The following TRAF6 variants were observed in gnomAD, a reference collection of about 807,000 sequenced individuals.
The protein encoded by TRAF6 is TNF receptor associated factor 6, also known as TNF receptor-associated factor 6.
TRAF6 carries 10 observed loss-of-function variants against 48.4 expected under a neutral mutation model. The ratio of observed to expected loss-of-function variants is 0.21; its 90% CI spans 0.13 to 0.35. The LOEUF is 0.35. TRAF6 is among the 10% of genes least tolerant of loss of function. The pLI is 1.00. For missense variants in TRAF6, 397 were observed against 661.0 expected (o/e 0.60, Z 4.38); for synonymous variants, 186 against 219.6 (o/e 0.85, Z 1.35).
rs1859532647 is a variant in TRAF6, at chr11:36,489,544, A to G, written c.*294T>C. 2.8e-6 allele frequency: 1 copy of G among 353,380 alleles called. No individual in the cohort carries two copies. Among genetic ancestry groups the G allele is most frequent in the African/African-American group, 2.1e-5 (1 of 48,444 alleles). 21.9% of individuals were successfully genotyped at this position (353,380 alleles called of 1,614,324 possible). On this transcript the variant is annotated 3_prime_UTR_variant, in exon 7 of 7. Coordinates refer to ENST00000526995, the MANE Select transcript of TRAF6 (RefSeq NM_004620.4). ...TCTGACAATAAAATACACCAGAGCA[A>G]AAGCCCAAGAAAGTACAACAAAGAG... is the stretch of plus-strand genomic sequence containing the variant.
chr11:36,501,215 C>T lies in TRAF6; in HGVS notation c.296+5G>A, dbSNP rs779281458. The T allele has an allele frequency of 1.0e-5, 16 of 1,576,062 alleles. No individual in the cohort carries two copies. Among genetic ancestry groups the T allele is most frequent in the Non-Finnish European group, 1.4e-5 (16 of 1,158,442 alleles). ...AGGACACCATTTTTTCTTATGCTCA[C>T]GTACCTTATTGATTTTATGATGCAG... is the stretch of plus-strand genomic sequence containing the variant. On this transcript the variant is annotated splice_donor_5th_base_variant and intron_variant, in intron 2 of 6. Coordinates refer to ENST00000526995, the MANE Select transcript of TRAF6 (RefSeq NM_004620.4).
chr11:36,508,497 T>C (rs1367319383), intron 1 of TRAF6, among the ~76,000 whole-genome samples: 1 of 151,998 alleles, frequency 6.6e-6, no homozygotes, highest in Non-Finnish European at 1.5e-5. Context: ...CACAAAAAGT[T>C]TGTCCTCCAA....
At chr11:36,506,420 A>ATT (rs369610405) in intron 1 of TRAF6, among the ~76,000 whole-genome samples, 1 of 149,518 alleles carries the variant, frequency 6.7e-6, no homozygotes, top group Non-Finnish European at 1.5e-5. Flanking sequence ...GTCTTGAACC[A>ATT]TTTTTTTTTT....
At chr11:36,509,705 A>C (rs1192908372) in intron 1 of TRAF6, among the ~76,000 whole-genome samples, 1 of 152,060 alleles carries the variant, frequency 6.6e-6, no homozygotes, top group African/African-American at 2.4e-5. Context: ...TGGGGAGCAG[A>C]GGTCAGGGGA....
chr11:36,504,433 G>A (rs546403926), intron 1 of TRAF6, among the ~76,000 whole-genome samples: 1 of 152,254 alleles, frequency 6.6e-6, no homozygotes, highest in African/African-American at 2.4e-5. Flanking sequence ...TCCATAAGAA[G>A]CAACTCCTCA....
intron 1 of TRAF6, among the ~76,000 whole-genome samples, chr11:36,502,681 C>T (rs1163544999): frequency 6.6e-5 from 10 of 152,024 alleles, no homozygotes; most frequent in Non-Finnish European, 1.2e-4. Flanking sequence ...ACTTGATGAC[C>T]GCCTACAATG....
At position 36,492,531 on chromosome 11, in the gene TRAF6, A is replaced by G; in HGVS notation, c.756+20T>C. ...TTTTTTTTACTTATATTCAAGAATT[A>G]AAAGAAAAAAAAACCTTACCTTTTC... On this transcript the variant is annotated intron_variant, in intron 6 of 6. Coordinates refer to ENST00000526995, the MANE Select transcript of TRAF6 (RefSeq NM_004620.4). The G allele has an allele frequency of 6.4e-7, 1 of 1,574,800 alleles. No individual in the cohort carries two copies. Among genetic ancestry groups the G allele is most frequent in the Non-Finnish European group, 8.6e-7 (1 of 1,158,416 alleles).
At chr11:36,499,090 C>T (rs548812125) in intron 2 of TRAF6, among the ~76,000 whole-genome samples, 1 of 152,136 alleles carries the variant, frequency 6.6e-6, no homozygotes, top group Non-Finnish European at 1.5e-5. Context: ...AATTTAAGCA[C>T]TTAGCAGTAC....
At position 36,489,175 on chromosome 11, in the gene TRAF6, C is replaced by T. The variant is rs1048014439; in HGVS notation, c.*663G>A. 15 of 152,680 alleles carry T rather than the reference C, an allele frequency of 9.8e-5. No individual in the cohort carries two copies. Among genetic ancestry groups the T allele is most frequent in the African/African-American group, 3.4e-4 (14 of 41,562 alleles). The allele number at this position is 152,680 out of a possible 1,614,324, so 9.5% of individuals were successfully genotyped here. On this transcript the variant is annotated 3_prime_UTR_variant, in exon 7 of 7. Transcript: ENST00000526995. ...AAATAAGTAAGCAAGGCAGAAGGAA[C>T]ACTTAAACAAGTATTATTCAACAGA...
rs1232136573 is a variant in TRAF6 at position 36,490,665 on chromosome 11, C to T, written c.757-15G>A. On this transcript the variant is annotated splice_polypyrimidine_tract_variant and intron_variant, in intron 6 of 6. Coordinates refer to ENST00000526995, the MANE Select transcript of TRAF6 (RefSeq NM_004620.4). This position sits in a 1 kb window ranked among gnomAD's most constrained non-coding sequence, Gnocchi z 6.4. ...TTCCTCTGCATCTAAAAATCAAGCA[C>T]AAGCCTTAGGCTGGGAATAGATACC... 6.3e-7 allele frequency: 1 copy of T among 1,599,574 alleles called. No homozygotes were observed. Among genetic ancestry groups the T allele is most frequent in the Non-Finnish European group, 8.5e-7 (1 of 1,170,968 alleles).
intron 5 of TRAF6, among the ~76,000 whole-genome samples, chr11:36,494,064 A>G (rs1859596725): frequency 6.6e-6 from 1 of 152,130 alleles, no homozygotes; most frequent in African/African-American, 2.4e-5. Context: ...TTCTCTACTA[A>G]TAGTCAAAAC....
chr11:36,498,492 C>G lies in TRAF6; in HGVS notation c.445G>C (p.Glu149Gln). The change falls in exon 3 of 7, where the codon GAG (glutamate) becomes CAG (glutamine). Residue 149 changes from glutamate (E) to glutamine (Q), a missense_variant and splice_region_variant. Glu to Gln is a conservative substitution (Grantham distance 29). Around this residue, in one of 4 missense-constraint regions of TRAF6, gnomAD observed 245 missense variants for 349.1 expected, o/e 0.70. Transcript: ENST00000526995. Reference sequence around the variant, plus strand: ...CAGCTAGAAAAGAACTTTAATACCTCAAGATGTCTCAGTTCCATCTTGTGC... The same window carrying G: ...CAGCTAGAAAAGAACTTTAATACCTGAAGATGTCTCAGTTCCATCTTGTGC... ...CLHKMELRHL[E>Q]DHQAHCEFAL... The G allele has an allele frequency of 1.2e-6, 2 of 1,607,198 alleles. No individual in the cohort carries two copies. The highest frequency in any genetic ancestry group is 8.5e-7 in the Non-Finnish European group (1 of 1,178,556).
At chr11:36,499,550 G>A (rs1859688131) in intron 2 of TRAF6, among the ~76,000 whole-genome samples, 1 of 152,182 alleles carries the variant, frequency 6.6e-6, no homozygotes, top group Non-Finnish European at 1.5e-5. Flanking sequence ...AGTGAGCCGA[G>A]ATCGCGCCAC....
In TRAF6 at chr11:36,485,303, G is replaced by A. The variant is rs956736712; in HGVS notation, c.*4535C>T. Among the ~76,000 whole-genome samples the A allele has an allele frequency of 1.3e-5, 2 of 152,110 alleles. No homozygotes were observed. Among genetic ancestry groups the A allele is most frequent in the African/African-American group, 4.8e-5 (2 of 41,388 alleles). ...GCTTCAACTGCTGCTTTCAATAAAT[G>A]TTCATTATTACGTATTTGAGTGTGT... On this transcript the variant is annotated 3_prime_UTR_variant, in exon 7 of 7. Transcript: ENST00000526995.
intron 5 of TRAF6, among the ~76,000 whole-genome samples, chr11:36,493,254 T>C (rs2133667295): frequency 6.6e-6 from 1 of 152,330 alleles, no homozygotes; most frequent in Non-Finnish European, 1.5e-5. Context: ...CTCAATCATA[T>C]TTTTTCAAAG....
rs1039509580 is a variant in TRAF6 at position 36,488,821 on chromosome 11, A to G, written c.*1017T>C. The G allele has an allele frequency of 1.3e-5, 2 of 152,206 alleles. No individual in the cohort carries two copies. Among genetic ancestry groups the G allele is most frequent in the Non-Finnish European group, 2.9e-5 (2 of 68,020 alleles). The allele number at this position is 152,206 out of a possible 1,614,324, so 9.4% of individuals were successfully genotyped here. On this transcript the variant is annotated 3_prime_UTR_variant, in exon 7 of 7. Coordinates refer to ENST00000526995, the MANE Select transcript of TRAF6 (RefSeq NM_004620.4). ...CCAAGTTTTAAAAAATTCTGATTTT[A>G]GGAAATCAATTTTGTTCTTTTTAAT...
chr11:36,491,408 C>A lies in TRAF6; in HGVS notation c.757-758G>T, dbSNP rs1859562124. On this transcript the variant is annotated intron_variant, in intron 6 of 6. Transcript: ENST00000526995. ...CCTAACTTCCATTAACATTTTATTT[C>A]TTTCTTTTTCTCTAAGCACAATACA... Among the ~76,000 whole-genome samples, 3 of 152,228 alleles carry A rather than the reference C, an allele frequency of 2.0e-5. No individual in the cohort carries two copies. In the South Asian group the frequency reaches 6.2e-4, roughly 32 times the overall value.
chr11:36,498,496 A>T lies in TRAF6; in HGVS notation c.441T>A (p.His147Gln). The change falls in exon 3 of 7, where the codon CAT becomes CAA. Residue 147 changes from histidine to glutamine, a missense_variant. By Grantham distance (24) the His-to-Gln change is conservative. Around this residue, in one of 4 missense-constraint regions of TRAF6, gnomAD observed 245 missense variants for 349.1 expected, o/e 0.70. Coordinates refer to ENST00000526995, the MANE Select transcript of TRAF6 (RefSeq NM_004620.4). ...TAGAAAAGAACTTTAATACCTCAAG[A>T]TGTCTCAGTTCCATCTTGTGCAAAC... ...EGCLHKMELRHLEDHQAHCEF... is the reference protein window; with the variant it reads ...EGCLHKMELRQLEDHQAHCEF... The T allele has an allele frequency of 6.2e-7, 1 of 1,607,652 alleles. No homozygotes were observed. The highest frequency in any genetic ancestry group is 8.5e-7 in the Non-Finnish European group (1 of 1,178,786).
chr11:36,505,302 C>T (rs760152140), intron 1 of TRAF6, among the ~76,000 whole-genome samples: 53 of 152,186 alleles, frequency 3.5e-4, no homozygotes, highest in Non-Finnish European at 6.5e-4. Flanking sequence ...CATCAACGAT[C>T]GTAGCTAGAT....
Sources: allele counts gnomAD v4.1 joint callset (sites outside exome capture counted in the v4.1 genomes callset), GRCh38; gene constraint gnomAD v4.1.1; regional missense constraint gnomAD v4.1.1; non-coding constraint Gnocchi (gnomAD v3.1); transcripts MANE v1.5; gene names NCBI Gene and HGNC (gene_info 2026-07-23, HGNC 2026-07-21).